RIN2: variants seen among roughly 807,000 people sequenced by gnomAD.
The protein encoded by RIN2 is Ras and Rab interactor 2.
A neutral mutation model predicts 78.0 loss-of-function variants in RIN2; 36 were observed. The observed-to-expected ratio is 0.46, with a 90% confidence interval of 0.35 to 0.61. The LOEUF (loss-of-function observed/expected upper bound fraction) is 0.61. Ranked by LOEUF, RIN2 falls within the 20% of genes least tolerant of loss-of-function variation. The pLI, the probability that RIN2 is intolerant of heterozygous loss-of-function variation, is 0.00. For synonymous variants in RIN2, 466 were observed against 466.8 expected, an observed-to-expected ratio of 1.00 and a Z score of 0.02; for missense variants, 1,087 against 1,159.7, an observed-to-expected ratio of 0.94 and a Z score of 0.91.
chr20:19,878,868 A>T (rs377074453), intron 2 of RIN2, among the ~76,000 whole-genome samples: 2 of 152,132 alleles, frequency 1.3e-5, no homozygotes, highest in African/African-American at 4.8e-5. Context: ...ACCCACCCTC[A>T]AATAGTCTCA....
chr20:19,958,130 C>G (rs1385818811), intron 5 of RIN2, among the ~76,000 whole-genome samples: 1 of 152,184 alleles, frequency 6.6e-6, no homozygotes, highest in Non-Finnish European at 1.5e-5. Flanking sequence ...ACATATGAAT[C>G]TTTCTTTATT....
intron 2 of RIN2, among the ~76,000 whole-genome samples, chr20:19,824,301 C>T (rs2036019556): frequency 6.6e-6 from 1 of 152,274 alleles, no homozygotes; most frequent in East Asian, 1.9e-4. Context: ...GATGGAACAT[C>T]TTTTTTGGGC....
chr20:19,787,030 G>A (rs1015693441), intron 1 of RIN2, among the ~76,000 whole-genome samples: 5 of 152,130 alleles, frequency 3.3e-5, no homozygotes, highest in Non-Finnish European at 5.9e-5. Flanking sequence ...TAAAAATGTG[G>A]CTGCTGGTCT....
chr20:19,975,538 A>T lies in RIN2; in HGVS notation c.1513A>T (p.Ser505Cys). The T allele has an allele frequency of 1.9e-6, 3 of 1,614,042 alleles. No individual in the cohort carries two copies. The highest frequency in any genetic ancestry group is 2.5e-6 in the Non-Finnish European group (3 of 1,179,890). ...GCTGCAGAAGGTGAGCGGGGTGTTC[A>T]GCTCCTTCATGACCCCGGAGAAGCG... is the stretch of plus-strand genomic sequence containing the variant. ...SQLQKVSGVF[S>C]SFMTPEKRMV... is the part of the protein sequence containing the mutation. The change falls in exon 9 of 13, where the codon AGC (serine) becomes TGC (cysteine). Residue 505 changes from serine (S) to cysteine (C), a missense_variant. Around this residue, in one of 8 missense-constraint regions of RIN2, gnomAD observed 706 missense variants for 667.5 expected, o/e 1.06. Coordinates refer to ENST00000255006, the MANE Select transcript of RIN2 (RefSeq NM_018993.4). The surrounding 1 kb of genome is among the most constrained non-coding windows in gnomAD (Gnocchi z 4.9).
intron 2 of RIN2, among the ~76,000 whole-genome samples, chr20:19,832,588 A>G (rs2036282966): frequency 6.6e-6 from 1 of 151,686 alleles, no homozygotes; most frequent in Non-Finnish European, 1.5e-5. Flanking sequence ...CAGGTACCAG[A>G]CAACCAGGGA....
chr20:19,887,113 TCTC>T (rs1352016379), intron 2 of RIN2, among the ~76,000 whole-genome samples: 6 of 151,468 alleles, frequency 4.0e-5, no homozygotes, highest in Non-Finnish European at 8.8e-5. Flanking sequence ...GCAGCCTCAA[TCTC>T]CTGGGCTCAA....
intron 3 of RIN2, among the ~76,000 whole-genome samples, chr20:19,903,545 G>A (rs2039082410): frequency 6.6e-6 from 1 of 152,146 alleles, no homozygotes; most frequent in Non-Finnish European, 1.5e-5. Context: ...GGGACAGCTG[G>A]TTCCACCTTG....
At chr20:19,864,932 C>T (rs939169777) in intron 2 of RIN2, among the ~76,000 whole-genome samples, 3 of 152,196 alleles carry the variant, frequency 2.0e-5, no homozygotes, top group Non-Finnish European at 4.4e-5. Context: ...CTTTCTATAG[C>T]ATTCAAGCTA....
At chr20:19,860,852 G>T (rs6075584) in intron 2 of RIN2, among the ~76,000 whole-genome samples, 25,401 of 152,048 alleles carry the variant, frequency 0.17, 2,650 homozygotes, top group Non-Finnish European at 0.22. Context: ...CATCCCCATA[G>T]TTGAGTTAAT....
At chr20:19,852,635 G>A (rs959757250) in intron 2 of RIN2, among the ~76,000 whole-genome samples, 3 of 152,112 alleles carry the variant, frequency 2.0e-5, no homozygotes, top group Admixed American at 1.3e-4. Flanking sequence ...CCTTGTTTAG[G>A]TAGAGACCTT....
At chr20:19,957,992 G>T (rs2041609308) in intron 5 of RIN2, among the ~76,000 whole-genome samples, 1 of 152,214 alleles carries the variant, frequency 6.6e-6, no homozygotes, top group African/African-American at 2.4e-5. Flanking sequence ...TAGAAACTAA[G>T]AACTAGATGG....
At chr20:19,810,230 C>T (rs1287125154) in intron 2 of RIN2, among the ~76,000 whole-genome samples, 1 of 144,616 alleles carries the variant, frequency 6.9e-6, no homozygotes, top group Non-Finnish European at 1.5e-5. Flanking sequence ...AAAACCCCGT[C>T]TCTATTAATA....
chr20:19,958,312 T>C (rs2041622002), intron 5 of RIN2, among the ~76,000 whole-genome samples: 1 of 152,254 alleles, frequency 6.6e-6, no homozygotes, highest in Non-Finnish European at 1.5e-5. Flanking sequence ...GAAGCCTAAC[T>C]TTCAGCCAGT....
intron 2 of RIN2, among the ~76,000 whole-genome samples, chr20:19,808,589 A>G (rs1055929974): frequency 3.3e-5 from 5 of 152,186 alleles, no homozygotes; most frequent in South Asian, 2.1e-4. Context: ...CCCCAGTCCA[A>G]TGGATGGTCT....
intron 2 of RIN2, among the ~76,000 whole-genome samples, chr20:19,858,540 T>A (rs999819300): frequency 6.6e-6 from 1 of 152,180 alleles, no homozygotes; most frequent in Non-Finnish European, 1.5e-5. Context: ...AGCCCTGATC[T>A]ATTGCCTAGA....
At chr20:19,774,059 CTG>C (rs991895366) in intron 1 of RIN2, among the ~76,000 whole-genome samples, 4 of 152,074 alleles carry the variant, frequency 2.6e-5, no homozygotes, top group African/African-American at 9.7e-5. Flanking sequence ...CATGGAGCAA[CTG>C]TGTTTATGGG....
At chr20:19,915,037 G>C in intron 3 of RIN2, among the ~76,000 whole-genome samples, 1 of 152,118 alleles carries the variant, frequency 6.6e-6, no homozygotes, top group East Asian at 1.9e-4. Context: ...AAGGCCCTAC[G>C]GGTAGTGAAG....
intron 9 of RIN2, among the ~76,000 whole-genome samples, chr20:19,977,041 G>T (rs1431946342): frequency 6.6e-6 from 1 of 152,140 alleles, no homozygotes. Context: ...CCTTCTAATT[G>T]AAAAAGACAT....
chr20:19,832,871 A>G (rs916402109), intron 2 of RIN2, among the ~76,000 whole-genome samples: 1 of 152,056 alleles, frequency 6.6e-6, no homozygotes, highest in East Asian at 1.9e-4. Flanking sequence ...CAGGTCCCTC[A>G]TGGCCTTCTC....
Sources: allele counts gnomAD v4.1 joint callset (sites outside exome capture counted in the v4.1 genomes callset), GRCh38; gene constraint gnomAD v4.1.1; regional missense constraint gnomAD v4.1.1; non-coding constraint Gnocchi (gnomAD v3.1); transcripts MANE v1.5; gene names NCBI Gene and HGNC (gene_info 2026-07-23, HGNC 2026-07-21).